RIMS2: variants seen among roughly 807,000 people sequenced by gnomAD.
RIMS2 encodes the protein regulating synaptic membrane exocytosis protein 2.
Under a neutral mutation model 174.4 loss-of-function variants are expected in RIMS2, and 59 were observed. The observed-to-expected ratio is 0.34, with a 90% CI of 0.27 to 0.42. The LOEUF is 0.42. RIMS2 is among the 10% of genes least tolerant of loss of function. The pLI is 1.00. For missense variants in RIMS2, 1,620 were observed against 1,666.3 expected (o/e 0.97, Z 0.48); for synonymous variants, 606 against 572.5 (o/e 1.06, Z -0.84).
At chr8:104,193,872 T>G (rs2511647) in intron 19 of RIMS2, among the ~76,000 whole-genome samples, 24,182 of 152,246 alleles carry the variant, frequency 0.16, 2,472 homozygotes, top group Non-Finnish European at 0.23. Context: ...ATATTTCTGA[T>G]ATTAATACCT....
intron 19 of RIMS2, among the ~76,000 whole-genome samples, chr8:104,060,752 A>G (rs578079320): frequency 1.3e-5 from 2 of 152,064 alleles, no homozygotes; most frequent in South Asian, 4.2e-4. Flanking sequence ...TGTGTCCCAG[A>G]GATTGTGGTA....
intron 3 of RIMS2, among the ~76,000 whole-genome samples, chr8:103,769,993 T>C (rs1438271065): frequency 6.6e-6 from 1 of 151,996 alleles, no homozygotes; most frequent in Non-Finnish European, 1.5e-5. Context: ...TTACATACAC[T>C]TTTTTTTGGG....
chr8:103,947,035 C>A (rs1438256999), intron 14 of RIMS2, among the ~76,000 whole-genome samples: 1 of 152,112 alleles, frequency 6.6e-6, no homozygotes, highest in Admixed American at 6.5e-5. Flanking sequence ...AATGCTGTAA[C>A]AATTTAATAT....
chr8:104,248,885 A>G, intron 21 of RIMS2, 72 bp downstream of exon 27: 1 of 676,656 alleles, frequency 1.5e-6, no homozygotes, highest in South Asian at 1.7e-5. Context: ...TAAATTTCAT[A>G]GAATCTTCTC....
intron 1 of RIMS2, among the ~76,000 whole-genome samples, chr8:103,591,422 T>G (rs548562722): frequency 1.3e-5 from 2 of 151,336 alleles, no homozygotes; most frequent in East Asian, 3.9e-4. Context: ...TTGATGAAAT[T>G]GGATTTATCA....
chr8:103,631,426 A>G (rs2095917663), intron 1 of RIMS2, among the ~76,000 whole-genome samples: 2 of 152,194 alleles, frequency 1.3e-5, no homozygotes, highest in African/African-American at 4.8e-5. Context: ...GTTTTGTTGA[A>G]GATCAGATGG....
intron 19 of RIMS2, among the ~76,000 whole-genome samples, chr8:104,042,871 T>A (rs1207541435): frequency 6.6e-6 from 1 of 151,542 alleles, no homozygotes; most frequent in East Asian, 1.9e-4. Context: ...AATGGAATTG[T>A]CAGTAGCATA....
intron 3 of RIMS2, among the ~76,000 whole-genome samples, chr8:103,769,515 A>G (rs1435556794): frequency 2.0e-5 from 3 of 152,096 alleles, no homozygotes; most frequent in Non-Finnish European, 4.4e-5. Flanking sequence ...TAGTAGAGAC[A>G]GGGTCTCACC....
chr8:104,030,689 A>T (rs2096372382), intron 19 of RIMS2, among the ~76,000 whole-genome samples: 1 of 152,152 alleles, frequency 6.6e-6, no homozygotes, highest in Non-Finnish European at 1.5e-5. Flanking sequence ...CCTTCTCTTT[A>T]AATAACCATA....
chr8:104,203,494 C>CTT (rs10545100), intron 19 of RIMS2, among the ~76,000 whole-genome samples: 1,778 of 72,854 alleles, frequency 0.024, no homozygotes, highest in East Asian at 0.037. Flanking sequence ...AGACACTGTA[C>CTT]TTTTTTTTTT....
intron 1 of RIMS2, among the ~76,000 whole-genome samples, chr8:103,572,355 CG>C (rs1649003977): frequency 7.2e-6 from 1 of 139,372 alleles, no homozygotes; most frequent in Non-Finnish European, 1.5e-5. Context: ...CACGCCTTGC[CG>C]ATTGGTCCAT....
chr8:103,574,450 C>G (rs1289551438), intron 1 of RIMS2, among the ~76,000 whole-genome samples: 1 of 152,186 alleles, frequency 6.6e-6, no homozygotes, highest in Non-Finnish European at 1.5e-5. Flanking sequence ...AACTCCTGCT[C>G]TAGTTTATTA....
intron 19 of RIMS2, among the ~76,000 whole-genome samples, chr8:104,158,745 G>A (rs2098741594): frequency 6.6e-6 from 1 of 151,636 alleles, no homozygotes; most frequent in South Asian, 2.1e-4. Flanking sequence ...TGATGGGGTT[G>A]TTTTTTTTCT....
intron 4 of RIMS2, among the ~76,000 whole-genome samples, chr8:103,906,150 AT>A (rs1346182165): frequency 6.6e-6 from 1 of 152,212 alleles, no homozygotes; most frequent in African/African-American, 2.4e-5. Context: ...ATGAATTACC[AT>A]TAATTATCTT....
At chr8:103,990,345 A>T (rs2094603819) in intron 17 of RIMS2, among the ~76,000 whole-genome samples, 1 of 152,102 alleles carries the variant, frequency 6.6e-6, no homozygotes, top group African/African-American at 2.4e-5. Context: ...AGAACTAAAG[A>T]GGGGATATCA....
chr8:103,568,800 A>T (rs1241534786), intron 1 of RIMS2: 2 of 1,145,242 alleles, frequency 1.7e-6, no homozygotes, highest in African/African-American at 1.5e-5. Flanking sequence ...TGTTTGTGCA[A>T]TCAGTGCTAT....
chr8:103,715,259 C>T (rs1328698246), intron 2 of RIMS2, among the ~76,000 whole-genome samples: 1 of 152,112 alleles, frequency 6.6e-6, no homozygotes, highest in African/African-American at 2.4e-5. Flanking sequence ...CCTATCAGCC[C>T]ATCACCTAGG....
chr8:104,047,907 C>T (rs1350144889), intron 19 of RIMS2, among the ~76,000 whole-genome samples: 1 of 152,090 alleles, frequency 6.6e-6, no homozygotes, highest in Admixed American at 6.6e-5. Context: ...AATTATTATT[C>T]AGGTTCTGCC....
intron 19 of RIMS2, among the ~76,000 whole-genome samples, chr8:104,099,777 TC>T (rs1254405382): frequency 6.6e-6 from 1 of 152,112 alleles, no homozygotes; most frequent in Non-Finnish European, 1.5e-5. Flanking sequence ...TCTTTATTTT[TC>T]TGCCCCATAT....
Sources: gnomAD v4.1 joint callset for allele counts (sites outside exome capture counted in the v4.1 genomes callset) on GRCh38, gnomAD v4.1.1 for gene constraint, MANE v1.5 for transcripts, NCBI Gene and HGNC (gene_info 2026-07-23, HGNC 2026-07-21) for gene names.